SMCHD1: variants seen among roughly 807,000 people sequenced by gnomAD.
The protein encoded by SMCHD1 is structural maintenance of chromosomes flexible hinge domain containing 1.
Under a neutral mutation model 254.7 loss-of-function variants are expected in SMCHD1, and 78 were observed. The observed-to-expected ratio is 0.31, with a 90% confidence interval of 0.26 to 0.37. SMCHD1 has a LOEUF of 0.37. Ranked by LOEUF, SMCHD1 falls within the 10% of genes least tolerant of loss-of-function variation. The pLI is 1.00. For missense variants in SMCHD1, 1,840 were observed against 2,408.1 expected (o/e 0.76, Z 4.94); for synonymous variants, 766 against 794.9 (o/e 0.96, Z 0.61).
At position 2,747,662 on chromosome 18, in the gene SMCHD1, TC is replaced by T; in HGVS notation, c.3927+17del. 6.6e-7 allele frequency: 1 copy of T among 1,521,426 alleles called. No homozygotes were observed. Among genetic ancestry groups the T allele is most frequent in the South Asian group, 1.3e-5 (1 of 79,356 alleles). 94.2% of individuals were successfully genotyped at this position (1,521,426 alleles called of 1,614,324 possible). On this transcript the variant is annotated intron_variant, in intron 30 of 47. Transcript: ENST00000320876. ...GCAATTTAAAGGTAAGTTTTAAACTTCCTTACATCTTCATTTAAAATTCTGG... is the reference window on the plus strand; with the variant it reads ...GCAATTTAAAGGTAAGTTTTAAACTTCTTACATCTTCATTTAAAATTCTGG...
rs745708637 is a variant in SMCHD1 at position 2,732,636 on chromosome 18, A to G, written c.3276+144A>G. 7.0e-4 allele frequency: 402 copies of G among 573,784 alleles called. 1 individual carries two copies. Among genetic ancestry groups the G allele is most frequent in the Middle Eastern group, 1.9e-3 (4 of 2,140 alleles). 35.5% of individuals were successfully genotyped at this position (573,784 alleles called of 1,614,324 possible). ...ACTATCATTTCAAATTGTAAGCAGA[A>G]TAAGCTTTTTTCATGGAATAGGTTG... On this transcript the variant is annotated intron_variant, in intron 25 of 47. Transcript: ENST00000320876.
intron 45 of SMCHD1, among the ~76,000 whole-genome samples, chr18:2,785,670 A>AAAAAAAAAAAAAAAAG (rs57180698): frequency 2.0e-5 from 2 of 97,932 alleles, no homozygotes; most frequent in Admixed American, 1.6e-4. Flanking sequence ...AAAAAAAAAA[A>AAAAAAAAAAAAAAAAG]ACAGTTCATT....
chr18:2,765,836 C>T (rs1008968105), intron 37 of SMCHD1, among the ~76,000 whole-genome samples: 5 of 151,964 alleles, frequency 3.3e-5, no homozygotes, highest in Non-Finnish European at 1.5e-5. Flanking sequence ...TGTGCTCTAA[C>T]AAAAATTAGG....
intron 44 of SMCHD1, among the ~76,000 whole-genome samples, chr18:2,782,436 GTATT>G (rs1337333662): frequency 5.3e-5 from 8 of 152,114 alleles, no homozygotes; most frequent in Non-Finnish European, 8.8e-5. Context: ...ACATTTTAGT[GTATT>G]TATTTAAGAT....
intron 3 of SMCHD1, among the ~76,000 whole-genome samples, chr18:2,669,399 A>G (rs539935986): frequency 6.6e-6 from 1 of 152,118 alleles, no homozygotes; most frequent in Non-Finnish European, 1.5e-5. Flanking sequence ...GAGTCTCACT[A>G]TGTTGCCCAG....
chr18:2,700,671 T>A lies in SMCHD1; in HGVS notation c.1463+12T>A. 1 of 1,602,500 alleles carries A rather than the reference T, an allele frequency of 6.2e-7. No homozygotes were observed. The stretch of plus-strand genomic sequence containing the variant: ...ACATCAGTTGAAGAGTAAGTTTGAT[T>A]TTTGCTGAAATTATGTTTTTACAAC... On this transcript the variant is annotated intron_variant, in intron 11 of 47. Transcript: ENST00000320876.
chr18:2,719,312 A>G (rs371896902), intron 19 of SMCHD1, among the ~76,000 whole-genome samples: 64 of 142,234 alleles, frequency 4.5e-4, no homozygotes, highest in East Asian at 3.7e-3. Flanking sequence ...TTTCTTTTCA[A>G]TGGAGTCTCA....
chr18:2,776,659 A>G (rs534237890), intron 42 of SMCHD1, among the ~76,000 whole-genome samples: 1 of 152,292 alleles, frequency 6.6e-6, no homozygotes, highest in East Asian at 1.9e-4. Context: ...AAAGCTTTTC[A>G]CGGCCTGTAA....
intron 23 of SMCHD1, chr18:2,728,900 A>G: frequency 3.8e-6 from 1 of 260,928 alleles, no homozygotes; most frequent in Non-Finnish European, 7.1e-6. Flanking sequence ...CAGGATTGGG[A>G]ATGGGCTGCT....
intron 40 of SMCHD1, 21 bp from the exon 41 acceptor site, chr18:2,772,229 A>T (rs2075996823): frequency 3.2e-6 from 5 of 1,541,260 alleles, no homozygotes; most frequent in Non-Finnish European, 3.5e-6. Flanking sequence ...CTTGTAGTTA[A>T]TTTTTCTTTA....
chr18:2,671,498 A>G (rs2073599407), intron 3 of SMCHD1, among the ~76,000 whole-genome samples: 1 of 143,696 alleles, frequency 7.0e-6, no homozygotes, highest in South Asian at 2.1e-4. Flanking sequence ...GTGACTTTAC[A>G]GTACATTCCC....
Position 2,718,706 on chromosome 18 carries a change from C to T in SMCHD1, c.2458+272C>T, listed in dbSNP as rs1163248530. Among the ~76,000 whole-genome samples the T allele has an allele frequency of 6.6e-6, 1 of 152,086 alleles. No homozygotes were observed. The highest frequency in any genetic ancestry group is 2.4e-5 in the African/African-American group (1 of 41,408). ...GAGTAGCTGGGATTACAGGCGCCCG[C>T]CACCACACCTGGCTTTTTGTATTTT... is the stretch of plus-strand genomic sequence containing the variant. On this transcript the variant is annotated intron_variant, in intron 19 of 47. Coordinates refer to ENST00000320876, the MANE Select transcript of SMCHD1 (RefSeq NM_015295.3). This position sits in a 1 kb window ranked among gnomAD's most constrained non-coding sequence, Gnocchi z 4.6.
intron 5 of SMCHD1, among the ~76,000 whole-genome samples, chr18:2,685,298 T>A (rs905964108): frequency 5.3e-5 from 8 of 151,538 alleles, no homozygotes; most frequent in Admixed American, 2.0e-4. Context: ...ATGGGGTTTC[T>A]CCGTGTTAGC....
At chr18:2,659,763 GAAA>G (rs58068466) in intron 1 of SMCHD1, among the ~76,000 whole-genome samples, 31,373 of 115,370 alleles carry the variant, frequency 0.27, 3,532 homozygotes, top group Admixed American at 0.35. Context: ...TTGAGATTTT[GAAA>G]AAAAAAAAAA....
At chr18:2,781,270 T>C (rs1225214054) in intron 44 of SMCHD1, among the ~76,000 whole-genome samples, 3 of 152,202 alleles carry the variant, frequency 2.0e-5, no homozygotes, top group African/African-American at 7.2e-5. Context: ...ACTTTGGCAC[T>C]AAGCGGAAAA....
intron 17 of SMCHD1, among the ~76,000 whole-genome samples, chr18:2,717,111 T>C (rs1057003380): frequency 6.6e-6 from 1 of 152,200 alleles, no homozygotes; most frequent in Admixed American, 6.5e-5. Flanking sequence ...CAGCCCGCTG[T>C]GACTTAGGAT....
At chr18:2,761,456 G>C (rs1037197511) in intron 35 of SMCHD1, among the ~76,000 whole-genome samples, 1 of 152,158 alleles carries the variant, frequency 6.6e-6, no homozygotes, top group Admixed American at 6.5e-5. Context: ...AAAATAAATA[G>C]TATTTCAGTT....
chr18:2,760,206 A>G (rs2075761866), intron 34 of SMCHD1, among the ~76,000 whole-genome samples: 2 of 152,220 alleles, frequency 1.3e-5, no homozygotes, highest in African/African-American at 2.4e-5. Context: ...ATTCACAGTA[A>G]ATACCTTGTA....
At chr18:2,780,535 A>G (rs2076141268) in intron 44 of SMCHD1, among the ~76,000 whole-genome samples, 1 of 152,146 alleles carries the variant, frequency 6.6e-6, no homozygotes, top group Admixed American at 6.5e-5. Flanking sequence ...GGAGACGGTG[A>G]GAAGCTTGCT....
Sources: allele counts gnomAD v4.1 joint callset (sites outside exome capture counted in the v4.1 genomes callset), GRCh38; gene constraint gnomAD v4.1.1; non-coding constraint Gnocchi (gnomAD v3.1); transcripts MANE v1.5; gene names NCBI Gene and HGNC (gene_info 2026-07-23, HGNC 2026-07-21).